DTHD1: variants seen among roughly 807,000 people sequenced by gnomAD.
DTHD1 encodes death domain-containing protein 1.
In DTHD1, 59 loss-of-function variants were observed where a neutral mutation model predicts 74.8. That is an observed-to-expected ratio of 0.79 (90% confidence interval 0.64 to 0.98). The LOEUF is 0.98. DTHD1 is among the 50% of genes least tolerant of loss of function. DTHD1 has a pLI of 0.00. For synonymous variants in DTHD1, 365 were observed against 371.1 expected (o/e 0.98, Z 0.19); for missense variants, 1,051 against 1,065.4 (o/e 0.99, Z 0.19).
chr4:36,333,062 G>A (rs1758790114), intron 8 of DTHD1, among the ~76,000 whole-genome samples: 1 of 152,082 alleles, frequency 6.6e-6, no homozygotes, highest in African/African-American at 2.4e-5. Context: ...ATGCAGGGGA[G>A]TTAGGATGGT....
At chr4:36,299,698 T>C (rs1756646740) in intron 5 of DTHD1, among the ~76,000 whole-genome samples, 1 of 152,238 alleles carries the variant, frequency 6.6e-6, no homozygotes, top group African/African-American at 2.4e-5. Flanking sequence ...TTTACTTCCC[T>C]TCTGTTTTCC....
At position 36,294,962 on chromosome 4, in the gene DTHD1, C is replaced by A. The variant is rs2109464705; in HGVS notation, c.1566C>A (p.Asn522Lys). Reference sequence around the variant, plus strand: ...CTTGTTCTCCATACCTTGATAAAAACAACCTTGGTTCTGAGATAGATCATA... The same window carrying A: ...CTTGTTCTCCATACCTTGATAAAAAAAACCTTGGTTCTGAGATAGATCATA... ...FLPCSPYLDK[N>K]NLGSEIDHKR... Residue 522 changes from asparagine (N) to lysine (K), a missense_variant, in exon 5 of 10, where the codon AAC (asparagine) becomes AAA (lysine). Physicochemically the swap from Asn to Lys is moderately conservative, Grantham distance 94 (BLOSUM62 0). Coordinates refer to ENST00000639862, the MANE Select transcript of DTHD1 (RefSeq NM_001170700.3). 6.4e-7 allele frequency: 1 copy of A among 1,551,556 alleles called. No individual in the cohort carries two copies.
chr4:36,341,065 A>G (rs569059352), intron 9 of DTHD1, among the ~76,000 whole-genome samples: 1 of 152,336 alleles, frequency 6.6e-6, no homozygotes, highest in Non-Finnish European at 1.5e-5. Context: ...GATTGGAAAG[A>G]AAGGCTTCAA....
At chr4:36,318,842 C>A (rs1418177120) in intron 8 of DTHD1, among the ~76,000 whole-genome samples, 1 of 152,160 alleles carries the variant, frequency 6.6e-6, no homozygotes, top group Non-Finnish European at 1.5e-5. Context: ...TCTCAATCTC[C>A]TGACCTCGTG....
intron 5 of DTHD1, among the ~76,000 whole-genome samples, chr4:36,296,399 T>C (rs1488395982): frequency 6.6e-6 from 1 of 152,124 alleles, no homozygotes; most frequent in Non-Finnish European, 1.5e-5. Context: ...ATTATTCTTA[T>C]TTTTAAAATT....
Position 36,284,348 on chromosome 4 carries a change from A to C in DTHD1, c.644A>C (p.Asn215Thr). The C allele has an allele frequency of 6.5e-7, 1 of 1,537,220 alleles. No homozygotes were observed. Among genetic ancestry groups the C allele is most frequent in the Non-Finnish European group, 8.7e-7 (1 of 1,146,866 alleles). The change falls in exon 2 of 10, where the codon AAT becomes ACT. Residue 215 changes from asparagine (N) to threonine (T), a missense_variant. Physicochemically the swap from Asn to Thr is moderately conservative, Grantham distance 65 (BLOSUM62 0). Coordinates refer to ENST00000639862, the MANE Select transcript of DTHD1 (RefSeq NM_001170700.3). ...EESQNKMFPDNAENEDDKQIE... is the reference protein window; with the variant it reads ...EESQNKMFPDTAENEDDKQIE... ...TCACAGAATAAAATGTTCCCAGATA[A>C]TGCAGAAAATGAAGATGATAAACAA...
intron 2 of DTHD1, among the ~76,000 whole-genome samples, chr4:36,286,704 C>T (rs962858732): frequency 6.6e-6 from 1 of 152,210 alleles, no homozygotes; most frequent in African/African-American, 2.4e-5. Flanking sequence ...GATGGTATAG[C>T]CTACTGCACG....
intron 2 of DTHD1, among the ~76,000 whole-genome samples, chr4:36,288,900 C>A (rs1755886849): frequency 6.6e-6 from 1 of 152,160 alleles, no homozygotes; most frequent in South Asian, 2.1e-4. Context: ...CTCTATTAAA[C>A]AATGTTTCTC....
At chr4:36,282,180 A>C (rs2109432607) in intron 1 of DTHD1, among the ~76,000 whole-genome samples, 151 bp downstream of exon 1, 1 of 152,328 alleles carries the variant, frequency 6.6e-6, no homozygotes, top group East Asian at 1.9e-4. Context: ...GTTGAGACAA[A>C]TGCACAATAA....
intron 7 of DTHD1, among the ~76,000 whole-genome samples, chr4:36,311,496 C>G (rs1192276698): frequency 6.9e-6 from 1 of 144,010 alleles, no homozygotes; most frequent in East Asian, 2.3e-4. Context: ...TTCTCTCCTG[C>G]TGTATCTTCA....
chr4:36,332,707 G>T (rs1758769462), intron 8 of DTHD1: 1 of 152,186 alleles, frequency 6.6e-6, no homozygotes, highest in Non-Finnish European at 1.5e-5. Context: ...TCAGAGACTA[G>T]TGTGGTTAGC....
At chr4:36,312,631 T>A (rs1421602568) in intron 7 of DTHD1, among the ~76,000 whole-genome samples, 2 of 149,996 alleles carry the variant, frequency 1.3e-5, no homozygotes, top group Non-Finnish European at 3.0e-5. Flanking sequence ...CAAGCCATAA[T>A]CCTATCTCAG....
chr4:36,293,751 G>T, intron 4 of DTHD1, 46 bp downstream of exon 4: 1 of 1,416,350 alleles, frequency 7.1e-7, no homozygotes, highest in Non-Finnish European at 9.4e-7. Flanking sequence ...AGATTTTGTG[G>T]GTCATCAAGC....
chr4:36,328,374 A>G (rs373391535), intron 8 of DTHD1, among the ~76,000 whole-genome samples: 3 of 152,194 alleles, frequency 2.0e-5, no homozygotes, highest in African/African-American at 7.2e-5. Context: ...GAAGTTCTAC[A>G]CTGTGTAATT....
At chr4:36,338,741 G>A (rs1014321815) in intron 8 of DTHD1, among the ~76,000 whole-genome samples, 1 of 152,084 alleles carries the variant, frequency 6.6e-6, no homozygotes, top group Non-Finnish European at 1.5e-5. Flanking sequence ...GAGGCAAAGT[G>A]CCTGCCCCAC....
At chr4:36,309,504 T>C (rs1757259378) in intron 7 of DTHD1, among the ~76,000 whole-genome samples, 1 of 152,230 alleles carries the variant, frequency 6.6e-6, no homozygotes, top group South Asian at 2.1e-4. Context: ...CTTACCACAA[T>C]TTGAAATTAT....
At chr4:36,323,898 G>A (rs1227416645) in intron 8 of DTHD1, among the ~76,000 whole-genome samples, 2 of 152,128 alleles carry the variant, frequency 1.3e-5, no homozygotes, top group Non-Finnish European at 1.5e-5. Context: ...AAGGATGGAT[G>A]GAGAAGGGAG....
Position 36,302,417 on chromosome 4 carries a change from G to A in DTHD1, c.1644-3774G>A, listed in dbSNP as rs117682778. Among the ~76,000 whole-genome samples, 74 of 152,290 alleles carry A rather than the reference G, an allele frequency of 4.9e-4. No individual in the cohort carries two copies. The East Asian group carries it at 0.014, about 29-fold the overall frequency. On this transcript the variant is annotated intron_variant, in intron 5 of 9. Coordinates refer to ENST00000639862, the MANE Select transcript of DTHD1 (RefSeq NM_001170700.3). ...CAGTCAGAATGCAGTTACATCAGGA[G>A]AGAACGTTTCTCTCAGCTGTGTGGT...
At chr4:36,326,682 T>C (rs1162298965) in intron 8 of DTHD1, among the ~76,000 whole-genome samples, 2 of 152,246 alleles carry the variant, frequency 1.3e-5, no homozygotes, top group Non-Finnish European at 2.9e-5. Flanking sequence ...AATGAAAGCA[T>C]GCTGGGGAAA....
Sources: gnomAD v4.1 joint callset for allele counts (sites outside exome capture counted in the v4.1 genomes callset) on GRCh38, gnomAD v4.1.1 for gene constraint, MANE v1.5 for transcripts, NCBI Gene and HGNC (gene_info 2026-07-23, HGNC 2026-07-21) for gene names.